Variants in ICA1 observed in about 807,000 individuals in gnomAD.
ICA1 encodes 69 kDa islet cell autoantigen.
Under a neutral mutation model 71.0 loss-of-function variants are expected in ICA1, and 40 were observed. That is an observed-to-expected ratio of 0.56 (90% CI 0.44 to 0.73). ICA1 has a LOEUF of 0.73. ICA1 is among the 30% of genes least tolerant of loss of function. The probability of loss-of-function intolerance (pLI) is 0.00; values close to 1 mark genes in which losing one functional copy is unlikely to be tolerated. For synonymous variants in ICA1, 207 were observed against 209.5 expected, an observed-to-expected ratio of 0.99 and a Z score of 0.10; for missense variants, 578 against 576.5, an observed-to-expected ratio of 1.00 and a Z score of -0.03.
chr7:8,201,575 G>C (rs1200068100), intron 6 of ICA1, among the ~76,000 whole-genome samples: 1 of 152,182 alleles, frequency 6.6e-6, no homozygotes, highest in Non-Finnish European at 1.5e-5. Context: ...TGCCTCTCAG[G>C]CCTGACTTGG....
At chr7:8,135,043 T>G (rs971092794) in intron 12 of ICA1, among the ~76,000 whole-genome samples, 4 of 152,154 alleles carry the variant, frequency 2.6e-5, no homozygotes, top group African/African-American at 9.7e-5. Flanking sequence ...TTATTTTTTT[T>G]TGAGACAGAG....
At chr7:8,177,522 CA>C (rs1169859592) in intron 6 of ICA1, among the ~76,000 whole-genome samples, 5 of 152,146 alleles carry the variant, frequency 3.3e-5, no homozygotes, top group Admixed American at 6.5e-5. Context: ...TAAAGGTCTA[CA>C]ATATTTTTAT....
chr7:8,156,756 C>A, intron 8 of ICA1: 1 of 1,367,626 alleles, frequency 7.3e-7, no homozygotes, highest in Non-Finnish European at 9.7e-7. Flanking sequence ...GTTTATGGGA[C>A]TTGTACAATC....
chr7:8,139,774 A>C lies in ICA1; in HGVS notation c.956-727T>G, dbSNP rs1383924194. Among the ~76,000 whole-genome samples the C allele has an allele frequency of 2.6e-5, 4 of 152,324 alleles. No individual in the cohort carries two copies. The East Asian group carries it at 7.7e-4, about 29-fold the overall frequency. On this transcript the variant is annotated intron_variant, in intron 10 of 13. Coordinates refer to ENST00000402384, the MANE Select transcript of ICA1 (RefSeq NM_001136020.3). ...AGGCTATGTATATGCTGGGGAAAGG[A>C]ATCTATGAGAAATCTCTGTACATTG...
At chr7:8,211,873 T>C (rs1229084491) in intron 6 of ICA1, among the ~76,000 whole-genome samples, 1 of 152,132 alleles carries the variant, frequency 6.6e-6, no homozygotes, top group African/African-American at 2.4e-5. Flanking sequence ...CATGGTATTG[T>C]GAAAGGAGCC....
chr7:8,152,181 G>T (rs371429845), intron 8 of ICA1, among the ~76,000 whole-genome samples: 2 of 152,156 alleles, frequency 1.3e-5, no homozygotes, highest in East Asian at 3.9e-4. Flanking sequence ...AGCCAGGCAG[G>T]GGGTGGGTTG....
At chr7:8,207,690 T>C (rs1448727000) in intron 6 of ICA1, among the ~76,000 whole-genome samples, 1 of 152,248 alleles carries the variant, frequency 6.6e-6, no homozygotes, top group Non-Finnish European at 1.5e-5. Context: ...GAGCTCCTGC[T>C]GACCAGGACA....
chr7:8,197,780 TAACTAAATGA>T (rs796078520), intron 6 of ICA1, among the ~76,000 whole-genome samples: 11 of 151,870 alleles, frequency 7.2e-5, no homozygotes, highest in African/African-American at 2.7e-4. Context: ...AGATGACTTA[TAACTAAATGA>T]ACAGACCCAA....
chr7:8,187,877 T>C (rs1486315737), intron 6 of ICA1, among the ~76,000 whole-genome samples: 1 of 152,250 alleles, frequency 6.6e-6, no homozygotes, highest in Non-Finnish European at 1.5e-5. Context: ...TGTTATCTTA[T>C]GGGACCACCA....
intron 12 of ICA1, among the ~76,000 whole-genome samples, chr7:8,138,167 C>T (rs1794044836): frequency 6.6e-6 from 1 of 152,212 alleles, no homozygotes; most frequent in Non-Finnish European, 1.5e-5. Context: ...TCTACATTCT[C>T]ACTCAAATCC....
At chr7:8,211,759 A>G (rs946857578) in intron 6 of ICA1, among the ~76,000 whole-genome samples, 3 of 152,222 alleles carry the variant, frequency 2.0e-5, no homozygotes, top group Non-Finnish European at 2.9e-5. Flanking sequence ...CACCAGAGGT[A>G]CCTATAAAAC....
At chr7:8,212,131 G>C (rs1793997951) in intron 6 of ICA1, among the ~76,000 whole-genome samples, 12 of 152,094 alleles carry the variant, frequency 7.9e-5, no homozygotes, top group Admixed American at 7.9e-4. Context: ...TAAGATTAGA[G>C]CAACAGCAAC....
chr7:8,189,525 A>T (rs1784895710), intron 6 of ICA1, among the ~76,000 whole-genome samples: 1 of 152,224 alleles, frequency 6.6e-6, no homozygotes, highest in African/African-American at 2.4e-5. Flanking sequence ...GGCTATTGGG[A>T]ATGCAGAATA....
chr7:8,152,739 A>AC (rs1562702638), intron 8 of ICA1, among the ~76,000 whole-genome samples: 3 of 95,030 alleles, frequency 3.2e-5, no homozygotes, highest in Non-Finnish European at 4.4e-5. Context: ...CACCACCACC[A>AC]CAACCACCAT....
At chr7:8,178,659 A>T (rs1584945795) in intron 6 of ICA1, among the ~76,000 whole-genome samples, 1 of 151,256 alleles carries the variant, frequency 6.6e-6, no homozygotes, top group East Asian at 1.9e-4. Flanking sequence ...TCAATTTCCC[A>T]TTAGTCTAAA....
intron 6 of ICA1, among the ~76,000 whole-genome samples, chr7:8,160,776 C>T (rs1031797842): frequency 3.9e-5 from 6 of 152,164 alleles, no homozygotes; most frequent in Admixed American, 6.5e-5. Context: ...ATGAGCTGGA[C>T]GGTTCTCCAC....
At chr7:8,257,618 T>G (rs1810663725) in intron 1 of ICA1, among the ~76,000 whole-genome samples, 1 of 152,206 alleles carries the variant, frequency 6.6e-6, no homozygotes, top group Non-Finnish European at 1.5e-5. Flanking sequence ...AGAACTATAT[T>G]GCATTCAGTC....
intron 1 of ICA1, among the ~76,000 whole-genome samples, chr7:8,251,911 T>C (rs1323267223): frequency 3.3e-5 from 5 of 152,174 alleles, no homozygotes; most frequent in Non-Finnish European, 5.9e-5. Flanking sequence ...TTTCTTTTGC[T>C]TAAAGCCCTC....
chr7:8,125,052 G>T (rs1788634872), intron 13 of ICA1, among the ~76,000 whole-genome samples: 1 of 152,158 alleles, frequency 6.6e-6, no homozygotes, highest in South Asian at 2.1e-4. Flanking sequence ...GCCTCCTAAA[G>T]TGCTGGGATT....
Sources: gnomAD v4.1 joint callset for allele counts (sites outside exome capture counted in the v4.1 genomes callset) on GRCh38, gnomAD v4.1.1 for gene constraint, MANE v1.5 for transcripts, NCBI Gene and HGNC (gene_info 2026-07-23, HGNC 2026-07-21) for gene names.